IP6K3: variants seen among roughly 807,000 people sequenced by gnomAD.
IP6K3 encodes ATP:1D-myo-inositol-hexakisphosphate phosphotransferase.
In IP6K3, 20 loss-of-function variants were observed where a neutral mutation model predicts 28.8. That is an observed-to-expected ratio of 0.70 (90% confidence interval 0.49 to 1.01). The LOEUF (loss-of-function observed/expected upper bound fraction) is 1.01, where lower values mean the gene tolerates loss of function less well. IP6K3 is among the 50% of genes least tolerant of loss of function. The pLI is 0.00. For synonymous variants in IP6K3, 213 were observed against 221.3 expected (o/e 0.96, Z 0.33); for missense variants, 480 against 537.1 (o/e 0.89, Z 1.05).
chr6:33,750,804 C>T (rs1284080123), upstream of IP6K3, among the ~76,000 whole-genome samples: 1 of 152,150 alleles, frequency 6.6e-6, no homozygotes, highest in African/African-American at 2.4e-5. The surrounding 1 kb of genome is among the most constrained non-coding windows in gnomAD (Gnocchi z 4.3). Flanking sequence ...GCCTTTGGCT[C>T]GGTTGCTGTG....
At chr6:33,745,851 C>T (rs969265425) in intron 1 of IP6K3, among the ~76,000 whole-genome samples, 6 of 152,130 alleles carry the variant, frequency 3.9e-5, no homozygotes, top group Non-Finnish European at 5.9e-5. Flanking sequence ...GAAACAAATA[C>T]GACAAAACTC....
intron 4 of IP6K3, 107 bp downstream of exon 4, chr6:33,726,624 T>C (rs1482552940): frequency 1.7e-6 from 2 of 1,154,992 alleles, no homozygotes; most frequent in African/African-American, 3.1e-5. Flanking sequence ...CCTGCTACCC[T>C]CCATTGGCCC....
At chr6:33,759,935 T>C in the IP6K3 span, among the ~76,000 whole-genome samples, 1 of 151,232 alleles carries the variant, frequency 6.6e-6, no homozygotes, top group East Asian at 1.9e-4. Context: ...CATGCACCAA[T>C]GTGGACCCCC....
At chr6:33,737,261 G>A (rs531625444) in intron 1 of IP6K3, among the ~76,000 whole-genome samples, 1 of 152,342 alleles carries the variant, frequency 6.6e-6, no homozygotes, top group African/African-American at 2.4e-5. Flanking sequence ...AGGAGACACT[G>A]CAAGGGGAGG....
chr6:33,752,371 C>G, the IP6K3 span, among the ~76,000 whole-genome samples: 3 of 152,224 alleles, frequency 2.0e-5, no homozygotes, highest in South Asian at 2.1e-4. Context: ...AGAGAACAGG[C>G]TGCCACCTGC....
upstream of IP6K3, among the ~76,000 whole-genome samples, chr6:33,751,221 G>C (rs1356366572): frequency 6.6e-6 from 1 of 152,152 alleles, no homozygotes; most frequent in African/African-American, 2.4e-5. This position sits in a 1 kb window ranked among gnomAD's most constrained non-coding sequence, Gnocchi z 4.3. Flanking sequence ...GCCCCACCTG[G>C]GAGCTTCCAG....
At chr6:33,743,430 C>G (rs1766798550) in intron 1 of IP6K3, among the ~76,000 whole-genome samples, 1 of 152,098 alleles carries the variant, frequency 6.6e-6, no homozygotes. Context: ...CCCGAGGGAG[C>G]ATTTTTTAAT....
chr6:33,725,406 A>C (rs767561322), intron 5 of IP6K3, 35 bp downstream of exon 5: 39 of 1,582,986 alleles, frequency 2.5e-5, no homozygotes, highest in Non-Finnish European at 3.1e-5. Flanking sequence ...ACGTGCCGGG[A>C]TGTCCCCCCC....
In IP6K3 at chr6:33,722,692, A is replaced by T; in HGVS notation, c.*28T>A. The T allele has an allele frequency of 6.7e-7, 1 of 1,494,690 alleles. No homozygotes were observed. 92.6% of individuals were successfully genotyped at this position (1,494,690 alleles called of 1,614,324 possible). A position where few individuals can be genotyped will look rare whatever the true frequency, so the allele number is the denominator to read the frequency against. ...GGTCTCTATTTGAGATCTATAGCCC[A>T]GAAGAATCCAGATAAGCCCAGGAAG... On this transcript the variant is annotated 3_prime_UTR_variant, in exon 6 of 6. Coordinates refer to ENST00000293756, the MANE Select transcript of IP6K3 (RefSeq NM_054111.5).
At chr6:33,734,935 C>T (rs1766460326) in intron 2 of IP6K3, among the ~76,000 whole-genome samples, 1 of 152,206 alleles carries the variant, frequency 6.6e-6, no homozygotes, top group Non-Finnish European at 1.5e-5. Context: ...CCTGTGTTTA[C>T]AGCCAGCATG....
At chr6:33,745,523 C>G (rs60704560) in intron 1 of IP6K3, among the ~76,000 whole-genome samples, 84 of 152,048 alleles carry the variant, frequency 5.5e-4, no homozygotes, top group Non-Finnish European at 9.0e-4. Context: ...GACAACCCCC[C>G]CTTTGATTCA....
the IP6K3 span, among the ~76,000 whole-genome samples, chr6:33,753,870 G>A: frequency 3.9e-5 from 6 of 151,954 alleles, no homozygotes; most frequent in East Asian, 1.2e-3. Flanking sequence ...GTGCAGTGGC[G>A]CGATCTCAGC....
chr6:33,725,046 G>A (rs1022582035), intron 5 of IP6K3, among the ~76,000 whole-genome samples: 9 of 151,948 alleles, frequency 5.9e-5, no homozygotes, highest in Non-Finnish European at 1.2e-4. Flanking sequence ...TCGAGACCAC[G>A]GTGAAACCCC....
chr6:33,722,947 G>T lies in IP6K3; in HGVS notation c.1006C>A (p.Pro336Thr), dbSNP rs868306570. 1.2e-6 allele frequency: 2 copies of T among 1,614,040 alleles called. No homozygotes were observed. Among genetic ancestry groups the T allele is most frequent in the African/African-American group, 1.3e-5 (1 of 74,978 alleles). ...LLVIYDGQEP[P>T]ERAPGSPHPH... is the part of the protein sequence containing the mutation. Reference sequence around the variant, plus strand: ...TGCGGGCTGCCTGGGGCTCTTTCTGGTGGTTCCTGCCCATCATAGATGACA... The same window carrying T: ...TGCGGGCTGCCTGGGGCTCTTTCTGTTGGTTCCTGCCCATCATAGATGACA... Residue 336 changes from proline to threonine, a missense_variant, in exon 6 of 6, where the codon CCA (proline) becomes ACA (threonine). Transcript: ENST00000293756.
chr6:33,746,465 G>C lies in IP6K3; in HGVS notation c.-180+293C>G, dbSNP rs1240063428. The C allele has an allele frequency of 6.6e-6, 1 of 152,462 alleles. No homozygotes were observed. The highest frequency in any genetic ancestry group is 1.5e-5 in the Non-Finnish European group (1 of 68,256). The allele number at this position is 152,462 out of a possible 1,614,324, so 9.4% of individuals were successfully genotyped here. A position where few individuals can be genotyped will look rare whatever the true frequency, so the allele number is the denominator to read the frequency against. On this transcript the variant is annotated intron_variant, in intron 1 of 5. Coordinates refer to ENST00000293756, the MANE Select transcript of IP6K3 (RefSeq NM_054111.5). The surrounding 1 kb of genome is among the most constrained non-coding windows in gnomAD (Gnocchi z 6.5). ...GAGAGGGCTCCAGGCACCCCTGGAA[G>C]GGGAGGGGTGGAATTCCCCTGGGAG...
Position 33,725,458 on chromosome 6 carries a change from GCA to G in IP6K3, c.746_747del (p.Val249AlafsTer12), listed in dbSNP as rs757632056. 2 of 1,611,062 alleles carry G rather than the reference GCA, an allele frequency of 1.2e-6. No individual in the cohort carries two copies. The highest frequency in any genetic ancestry group is 1.1e-5 in the South Asian group (1 of 91,014). ...CAQSTSACLG[V>X]RICGMQVYQT... is the part of the protein sequence containing the mutation. ...CGACCTACCTGCATGCCGCAGATGC[GCA>G]CACCCAGGCAGGCTGAGGTGCTCTG... is the stretch of plus-strand genomic sequence containing the variant. On this transcript the variant is annotated frameshift_variant, in exon 5 of 6. Transcript: ENST00000293756. LOFTEE classifies it low-confidence loss of function (END_TRUNC).
the IP6K3 span, among the ~76,000 whole-genome samples, chr6:33,756,913 T>C: frequency 1.3e-5 from 2 of 152,240 alleles, no homozygotes; most frequent in African/African-American, 4.8e-5. Flanking sequence ...TGCGGGGCAC[T>C]TGTAGGTTCG....
At chr6:33,755,343 C>T in the IP6K3 span, among the ~76,000 whole-genome samples, 2 of 152,222 alleles carry the variant, frequency 1.3e-5, no homozygotes, top group African/African-American at 2.4e-5. Context: ...GCCTAGAAGG[C>T]GAGAAGCCAG....
At chr6:33,730,521 A>C (rs981055150) in intron 2 of IP6K3, among the ~76,000 whole-genome samples, 1 of 152,214 alleles carries the variant, frequency 6.6e-6, no homozygotes, top group South Asian at 2.1e-4. Flanking sequence ...TTCACCTGCC[A>C]CTAGCGTCCA....
Sources: gnomAD v4.1 joint callset for allele counts (sites outside exome capture counted in the v4.1 genomes callset) on GRCh38, gnomAD v4.1.1 for gene constraint, Gnocchi (gnomAD v3.1) non-coding constraint, MANE v1.5 for transcripts, NCBI Gene and HGNC (gene_info 2026-07-23, HGNC 2026-07-21) for gene names.